TBC1D4: variants seen among roughly 807,000 people sequenced by gnomAD.
TBC1D4 encodes the protein TBC (Tre-2, BUB2, CDC16) domain-containing protein.
TBC1D4 carries 121 observed loss-of-function variants against 142.5 expected under a neutral mutation model. The ratio of observed to expected loss-of-function variants is 0.85; its 90% CI spans 0.73 to 0.99. The LOEUF is 0.99. Ranked by LOEUF, TBC1D4 falls within the 50% of genes least tolerant of loss-of-function variation. TBC1D4 has a pLI of 0.00. For missense variants in TBC1D4, 1,475 were observed against 1,606.6 expected, an observed-to-expected ratio of 0.92 and a Z score of 1.40; for synonymous variants, 630 against 628.2, an observed-to-expected ratio of 1.00 and a Z score of -0.04.
chr13:75,366,075 A>G (rs1882890432), intron 1 of TBC1D4, among the ~76,000 whole-genome samples: 1 of 152,212 alleles, frequency 6.6e-6, no homozygotes, highest in African/African-American at 2.4e-5. Context: ...TACACACCCT[A>G]GCTACATATT....
chr13:75,432,433 G>C (rs1339328640), intron 1 of TBC1D4, among the ~76,000 whole-genome samples: 1 of 152,170 alleles, frequency 6.6e-6, no homozygotes, highest in East Asian at 1.9e-4. Flanking sequence ...GACACTGCAG[G>C]AATGTCAACA....
At chr13:75,387,319 T>C (rs1331912625) in intron 1 of TBC1D4, among the ~76,000 whole-genome samples, 2 of 152,216 alleles carry the variant, frequency 1.3e-5, no homozygotes, top group Non-Finnish European at 2.9e-5. Flanking sequence ...CTTTGTCAGA[T>C]AATGGTTAAT....
chr13:75,367,776 G>A lies in TBC1D4; in HGVS notation c.499-5169C>T, dbSNP rs535585448. On this transcript the variant is annotated intron_variant, in intron 1 of 20. Coordinates refer to ENST00000377636, the MANE Select transcript of TBC1D4 (RefSeq NM_014832.5). ...GCAACACGGGGATGATGTTGAAAGC[G>A]TAATGGTATGAAGTAAAATGCAGCA... Among the ~76,000 whole-genome samples the A allele has an allele frequency of 1.5e-4, 23 of 152,208 alleles. No homozygotes were observed. The East Asian group carries it at 2.7e-3, about 18-fold the overall frequency.
At chr13:75,410,590 T>G (rs1885598939) in intron 1 of TBC1D4, among the ~76,000 whole-genome samples, 1 of 152,162 alleles carries the variant, frequency 6.6e-6, no homozygotes, top group Admixed American at 6.5e-5. Flanking sequence ...CACCTGTCTG[T>G]TTTTCAGAAA....
intron 8 of TBC1D4, among the ~76,000 whole-genome samples, chr13:75,334,600 T>C (rs1292951837): frequency 6.6e-6 from 1 of 152,072 alleles, no homozygotes; most frequent in African/African-American, 2.4e-5. Flanking sequence ...TGTTTGTTTG[T>C]TTAGACAGGG....
At chr13:75,433,708 G>A (rs1252914360) in intron 1 of TBC1D4, among the ~76,000 whole-genome samples, 1 of 152,036 alleles carries the variant, frequency 6.6e-6, no homozygotes. Flanking sequence ...GCTTCCCAAA[G>A]AAACTATCAA....
intron 1 of TBC1D4, among the ~76,000 whole-genome samples, chr13:75,466,885 T>G (rs1207317842): frequency 6.6e-6 from 1 of 150,826 alleles, no homozygotes; most frequent in Non-Finnish European, 1.5e-5. Flanking sequence ...AAAATAATAA[T>G]AATTTAAAAA....
chr13:75,310,185 A>C, intron 13 of TBC1D4, 34 bp from the exon 14 acceptor site: 1 of 1,597,388 alleles, frequency 6.3e-7, no homozygotes, highest in Non-Finnish European at 8.6e-7. Flanking sequence ...GGCATTCCTT[A>C]GCAGTAACCC....
intron 1 of TBC1D4, among the ~76,000 whole-genome samples, chr13:75,472,201 G>C (rs563593658): frequency 6.2e-4 from 94 of 151,754 alleles, no homozygotes; most frequent in Non-Finnish European, 1.2e-3. Flanking sequence ...GAAGTGGTCG[G>C]ATCATGAGGT....
chr13:75,481,701 A>T lies in TBC1D4; in HGVS notation c.67T>A (p.Ser23Thr), dbSNP rs1399790336. 6.3e-7 allele frequency: 1 copy of T among 1,597,184 alleles called. No individual in the cohort carries two copies. The highest frequency in any genetic ancestry group is 1.8e-5 in the Admixed American group (1 of 56,758). The change falls in exon 1 of 21, where the codon TCA becomes ACA. Residue 23 changes from serine to threonine, a missense_variant. Around this residue, in one of 2 missense-constraint regions of TBC1D4, gnomAD observed 1,227 missense variants for 1,267.7 expected, o/e 0.97. Transcript: ENST00000377636. ...PHPLEPEPGV[S>T]AQPGPGKPSD... ...GGCTTCCCGGGGCCGGGCTGAGCTG[A>T]GACGCCCGGCTCGGGCTCCAGGGGG...
At chr13:75,339,870 C>T (rs1042280499) in intron 7 of TBC1D4, among the ~76,000 whole-genome samples, 1 of 152,158 alleles carries the variant, frequency 6.6e-6, no homozygotes, top group African/African-American at 2.4e-5. Flanking sequence ...CCACACCCGG[C>T]CCAAAAAGTA....
intron 17 of TBC1D4, among the ~76,000 whole-genome samples, chr13:75,299,007 A>C (rs1449482272): frequency 6.6e-6 from 1 of 152,212 alleles, no homozygotes; most frequent in Non-Finnish European, 1.5e-5. Context: ...AAGTGAATAA[A>C]GATGATTTGA....
At chr13:75,476,549 T>C (rs919246021) in intron 1 of TBC1D4, among the ~76,000 whole-genome samples, 1 of 152,204 alleles carries the variant, frequency 6.6e-6, no homozygotes, top group Non-Finnish European at 1.5e-5. Context: ...AACATTTGCA[T>C]GGTCTTATGA....
At chr13:75,406,538 T>G (rs1474129791) in intron 1 of TBC1D4, among the ~76,000 whole-genome samples, 1 of 152,156 alleles carries the variant, frequency 6.6e-6, no homozygotes, top group African/African-American at 2.4e-5. Context: ...AAATGAAACC[T>G]CTGACGCTAA....
intron 1 of TBC1D4, among the ~76,000 whole-genome samples, chr13:75,423,857 A>C (rs1012695862): frequency 6.6e-6 from 1 of 152,234 alleles, no homozygotes; most frequent in African/African-American, 2.4e-5. Context: ...TTTAATGGGT[A>C]CAGAGTTTCA....
rs957826771 is a variant in TBC1D4 at position 75,321,417 on chromosome 13, G to A, written c.2199-1380C>T. ...CTTATTCACAAATGGCTTAGAATGA[G>A]GAAATATAGCGGTGCATATATATGT... On this transcript the variant is annotated intron_variant, in intron 11 of 20. Coordinates refer to ENST00000377636, the MANE Select transcript of TBC1D4 (RefSeq NM_014832.5). Among the ~76,000 whole-genome samples, 7 of 148,114 alleles carry A rather than the reference G, an allele frequency of 4.7e-5. No homozygotes were observed. In the East Asian group the frequency reaches 1.4e-3, roughly 30 times the overall value.
At chr13:75,429,230 C>T (rs1886498945) in intron 1 of TBC1D4, among the ~76,000 whole-genome samples, 2 of 152,060 alleles carry the variant, frequency 1.3e-5, no homozygotes, top group African/African-American at 4.8e-5. Context: ...ATTGTCTTAC[C>T]CTAATCTAAA....
At chr13:75,292,545 A>G (rs1875425513) in intron 18 of TBC1D4, among the ~76,000 whole-genome samples, 1 of 152,194 alleles carries the variant, frequency 6.6e-6, no homozygotes, top group Admixed American at 6.5e-5. Context: ...TTAATGCCAA[A>G]TTTAATGGAG....
chr13:75,429,718 T>C (rs1000114044), intron 1 of TBC1D4, among the ~76,000 whole-genome samples: 9 of 151,594 alleles, frequency 5.9e-5, no homozygotes, highest in African/African-American at 2.2e-4. Flanking sequence ...ACAAAACACC[T>C]GAGAGAAATT....
Sources: gnomAD v4.1 joint callset for allele counts (sites outside exome capture counted in the v4.1 genomes callset) on GRCh38, gnomAD v4.1.1 for gene constraint, gnomAD v4.1.1 regional missense constraint, MANE v1.5 for transcripts, NCBI Gene and HGNC (gene_info 2026-07-23, HGNC 2026-07-21) for gene names.